LRRC4C: variants seen among roughly 807,000 people sequenced by gnomAD.
The protein encoded by LRRC4C is leucine rich repeat containing 4C.
A neutral mutation model predicts 33.6 loss-of-function variants in LRRC4C; 5 were observed. The ratio of observed to expected loss-of-function variants is 0.15; its 90% CI spans 0.08 to 0.31. LRRC4C has a LOEUF of 0.31. Ranked by LOEUF, LRRC4C falls within the 10% of genes least tolerant of loss-of-function variation. The pLI, the probability that LRRC4C is intolerant of heterozygous loss-of-function variation, is 1.00. For synonymous variants in LRRC4C, 329 were observed against 302.0 expected, an observed-to-expected ratio of 1.09 and a Z score of -0.93; for missense variants, 560 against 796.7, an observed-to-expected ratio of 0.70 and a Z score of 3.58.
At chr11:40,398,969 A>T (rs966004291) in intron 3 of LRRC4C, among the ~76,000 whole-genome samples, 1 of 152,136 alleles carries the variant, frequency 6.6e-6, no homozygotes, top group African/African-American at 2.4e-5. Context: ...ACTCTTTTAG[A>T]TAACCCTCTA....
chr11:41,153,045 T>G (rs1223784972), intron 1 of LRRC4C, among the ~76,000 whole-genome samples: 1 of 152,198 alleles, frequency 6.6e-6, no homozygotes, highest in Non-Finnish European at 1.5e-5. Context: ...TCTCATACTC[T>G]TACGTGAATC....
intron 1 of LRRC4C, among the ~76,000 whole-genome samples, chr11:41,109,710 T>G (rs915352614): frequency 2.0e-5 from 3 of 152,086 alleles, no homozygotes; most frequent in Middle Eastern, 6.3e-3. Context: ...ATTCTAAAAA[T>G]GAGTCCAAGG....
chr11:40,406,684 T>C (rs1949976200), intron 3 of LRRC4C, among the ~76,000 whole-genome samples: 1 of 152,280 alleles, frequency 6.6e-6, no homozygotes, highest in East Asian at 1.9e-4. Flanking sequence ...GTTTTATAAT[T>C]GCAAAACACA....
intron 1 of LRRC4C, among the ~76,000 whole-genome samples, chr11:41,163,329 G>A (rs1019146961): frequency 9.4e-6 from 1 of 106,212 alleles, no homozygotes; most frequent in African/African-American, 3.5e-5. Context: ...TGTCACCCAG[G>A]CTGGAGTGCA....
chr11:40,570,806 A>G (rs559075088), intron 3 of LRRC4C, among the ~76,000 whole-genome samples: 1 of 152,154 alleles, frequency 6.6e-6, no homozygotes, highest in African/African-American at 2.4e-5. Context: ...TTGATGTGCT[A>G]TCAGCCATTA....
At chr11:40,124,570 CAT>C (rs879554555) in intron 6 of LRRC4C, among the ~76,000 whole-genome samples, 6 of 152,146 alleles carry the variant, frequency 3.9e-5, no homozygotes, top group Admixed American at 3.9e-4. Flanking sequence ...AGACAAATTT[CAT>C]ATGTTCTCAC....
chr11:41,027,987 C>T (rs937566585), intron 1 of LRRC4C, among the ~76,000 whole-genome samples: 1 of 151,394 alleles, frequency 6.6e-6, no homozygotes, highest in Non-Finnish European at 1.5e-5. Flanking sequence ...GAATCCTCAT[C>T]TATAAGGAAG....
chr11:41,115,205 C>A (rs531668833), intron 1 of LRRC4C, among the ~76,000 whole-genome samples: 1 of 151,890 alleles, frequency 6.6e-6, no homozygotes, highest in Non-Finnish European at 1.5e-5. Context: ...ACTTTCAGAG[C>A]TAAAGGAAAA....
intron 2 of LRRC4C, among the ~76,000 whole-genome samples, chr11:40,691,627 G>A (rs535037817): frequency 6.6e-5 from 10 of 152,206 alleles, no homozygotes; most frequent in African/African-American, 2.2e-4. Context: ...GAGCTTAGAG[G>A]AAAGCCTTTG....
At chr11:41,295,770 A>T (rs1950124301) in intron 1 of LRRC4C, among the ~76,000 whole-genome samples, 1 of 152,130 alleles carries the variant, frequency 6.6e-6, no homozygotes, top group Admixed American at 6.5e-5. Flanking sequence ...CTGATGTTTA[A>T]CCCATTTTCT....
chr11:40,342,181 G>A (rs896002388), intron 3 of LRRC4C, among the ~76,000 whole-genome samples: 6 of 152,100 alleles, frequency 3.9e-5, no homozygotes, highest in African/African-American at 1.4e-4. Flanking sequence ...ATTTAGAAAA[G>A]TAAAGGTGGA....
At chr11:41,073,681 G>C (rs1938888654) in intron 1 of LRRC4C, among the ~76,000 whole-genome samples, 2 of 152,300 alleles carry the variant, frequency 1.3e-5, no homozygotes, top group South Asian at 4.1e-4. Context: ...ATGAATAAAT[G>C]CAAGCTTATA....
intron 1 of LRRC4C, among the ~76,000 whole-genome samples, chr11:41,357,043 G>T (rs1952186877): frequency 6.6e-6 from 1 of 151,384 alleles, no homozygotes. Flanking sequence ...GTTTAACCCA[G>T]AAATTAAAAA....
chr11:41,422,799 T>C (rs1565660880), intron 1 of LRRC4C, among the ~76,000 whole-genome samples: 2 of 152,050 alleles, frequency 1.3e-5, no homozygotes, highest in Non-Finnish European at 2.9e-5. Context: ...TCTTTTTCTT[T>C]ATAAGTTAAT....
At chr11:40,629,095 A>G (rs1963234799) in intron 3 of LRRC4C, among the ~76,000 whole-genome samples, 1 of 152,226 alleles carries the variant, frequency 6.6e-6, no homozygotes, top group Non-Finnish European at 1.5e-5. Flanking sequence ...TTGCAATTAA[A>G]ACATGTTTAT....
At chr11:40,136,789 A>G (rs1051891723) in intron 6 of LRRC4C, among the ~76,000 whole-genome samples, 4 of 152,214 alleles carry the variant, frequency 2.6e-5, no homozygotes, top group Admixed American at 6.5e-5. Flanking sequence ...TCCAGAACAG[A>G]GGGCTTGCCT....
intron 2 of LRRC4C, among the ~76,000 whole-genome samples, chr11:40,840,756 C>G (rs953105405): frequency 1.3e-5 from 2 of 151,988 alleles, no homozygotes; most frequent in African/African-American, 4.8e-5. Flanking sequence ...AATTCACGTT[C>G]AAATTCCAAG....
At chr11:40,571,616 A>C (rs2135567848) in intron 3 of LRRC4C, among the ~76,000 whole-genome samples, 1 of 152,278 alleles carries the variant, frequency 6.6e-6, no homozygotes, top group South Asian at 2.1e-4. Context: ...TGTATAATTC[A>C]GTCTTATCTG....
intron 1 of LRRC4C, among the ~76,000 whole-genome samples, chr11:40,958,166 A>G (rs1230590706): frequency 6.6e-6 from 1 of 151,710 alleles, no homozygotes; most frequent in Non-Finnish European, 1.5e-5. Flanking sequence ...TAGATTCTAG[A>G]ACTGGGAGAA....
Sources: allele counts gnomAD v4.1 joint callset (sites outside exome capture counted in the v4.1 genomes callset), GRCh38; gene constraint gnomAD v4.1.1; transcripts MANE v1.5; gene names NCBI Gene and HGNC (gene_info 2026-07-23, HGNC 2026-07-21).